The following ASCC3 variants were observed in gnomAD, a reference collection of about 807,000 sequenced individuals.
The protein encoded by ASCC3 is ASC-1 complex subunit P200.
Under a neutral mutation model 256.3 loss-of-function variants are expected in ASCC3, and 158 were observed. That is an observed-to-expected ratio of 0.62 (90% confidence interval 0.54 to 0.70). The LOEUF is 0.70. ASCC3 is among the 30% of genes least tolerant of loss of function. The pLI, the probability that ASCC3 is intolerant of heterozygous loss-of-function variation, is 0.00. For missense variants in ASCC3, 2,259 were observed against 2,626.0 expected (o/e 0.86, Z 3.05); for synonymous variants, 948 against 883.4 (o/e 1.07, Z -1.30).
chr6:100,527,384 C>T (rs1255693687), intron 37 of ASCC3, among the ~76,000 whole-genome samples: 1 of 152,176 alleles, frequency 6.6e-6, no homozygotes, highest in Non-Finnish European at 1.5e-5. Flanking sequence ...ACTTTATCTA[C>T]CATTTGCTAT....
At chr6:100,609,615 T>C (rs1773288945) in intron 30 of ASCC3, among the ~76,000 whole-genome samples, 1 of 152,102 alleles carries the variant, frequency 6.6e-6, no homozygotes, top group African/African-American at 2.4e-5. Context: ...AAGAACTAAA[T>C]AGTTGTGGCT....
At chr6:100,568,838 C>T (rs1054909405) in intron 36 of ASCC3, among the ~76,000 whole-genome samples, 23 of 150,958 alleles carry the variant, frequency 1.5e-4, no homozygotes, top group East Asian at 7.8e-4. Flanking sequence ...ACTGCAGTGG[C>T]GCAATCTCAG....
At chr6:100,874,464 C>CA (rs530326162) in intron 1 of ASCC3, among the ~76,000 whole-genome samples, 1,995 of 77,588 alleles carry the variant, frequency 0.026, 186 homozygotes, top group African/African-American at 0.095. Context: ...GACTCTGTCT[C>CA]AAAAAAAAAA....
chr6:100,533,578 T>C (rs1172848786), intron 37 of ASCC3, among the ~76,000 whole-genome samples: 1 of 152,180 alleles, frequency 6.6e-6, no homozygotes, highest in Admixed American at 6.5e-5. Flanking sequence ...ACTAACTCAG[T>C]CAATTGACAG....
chr6:100,761,340 T>C (rs1781411343), intron 10 of ASCC3, among the ~76,000 whole-genome samples: 1 of 152,000 alleles, frequency 6.6e-6, no homozygotes, highest in African/African-American at 2.4e-5. Context: ...AAATAACGAT[T>C]ACCGGGATGT....
At chr6:100,838,850 A>G (rs1220981077) in intron 4 of ASCC3, among the ~76,000 whole-genome samples, 1 of 152,024 alleles carries the variant, frequency 6.6e-6, no homozygotes, top group African/African-American at 2.4e-5. Context: ...GTATGTATGT[A>G]TGTGCTCATG....
chr6:100,700,403 C>T (rs550796794), intron 13 of ASCC3, among the ~76,000 whole-genome samples: 42 of 152,238 alleles, frequency 2.8e-4, no homozygotes, highest in Non-Finnish European at 5.3e-4. Flanking sequence ...GGGTCCTCAT[C>T]GAGAACCTTT....
rs1348030899 is a variant in ASCC3, at chr6:100,589,959, C to T, written c.5404G>A (p.Glu1802Lys). The T allele has an allele frequency of 1.2e-6, 2 of 1,612,128 alleles. No individual in the cohort carries two copies. Among genetic ancestry groups the T allele is most frequent in the South Asian group, 1.1e-5 (1 of 91,028 alleles). Reference protein sequence around the residue: ...LIELELSYCIEIGEDNRSIEP... With the variant: ...LIELELSYCIKIGEDNRSIEP... ...TGACTAAGTCATACCTCTCCAATTT[C>T]AATACAGTAGGAAAGTTCCAATTCA... Residue 1802 changes from glutamate (E) to lysine (K), a missense_variant, in exon 35 of 42, where the codon GAA (glutamate) becomes AAA (lysine). Glu to Lys is a moderately conservative substitution (Grantham distance 56, BLOSUM62 1). Coordinates refer to ENST00000369162, the MANE Select transcript of ASCC3 (RefSeq NM_006828.4).
In ASCC3 at chr6:100,509,672, G is replaced by A. The variant is rs374512779; in HGVS notation, c.6462-139C>T. The A allele has an allele frequency of 1.2e-3, 1,039 of 899,978 alleles. 24 individuals carry two copies. The South Asian group carries it at 0.012, about 11-fold the overall frequency. 55.7% of individuals were successfully genotyped at this position (899,978 alleles called of 1,614,324 possible). ...TCCCAGCACTTTGGGAGGCCGAGGC[G>A]GGCGGATCACGAGGTCAGGAGATGG... is the stretch of plus-strand genomic sequence containing the variant. On this transcript the variant is annotated intron_variant, in intron 41 of 41. Transcript: ENST00000369162.
chr6:100,641,726 G>A (rs963550160), intron 24 of ASCC3, among the ~76,000 whole-genome samples: 4 of 152,146 alleles, frequency 2.6e-5, no homozygotes, highest in African/African-American at 9.7e-5. Flanking sequence ...TATGTTTACT[G>A]CAGCACTATT....
intron 10 of ASCC3, among the ~76,000 whole-genome samples, chr6:100,736,916 G>A (rs187414673): frequency 2.0e-5 from 3 of 152,242 alleles, no homozygotes; most frequent in East Asian, 3.9e-4. Flanking sequence ...GGGAGGCTGA[G>A]GCAGGCAGAC....
At chr6:100,686,648 CA>C (rs561899893) in intron 13 of ASCC3, among the ~76,000 whole-genome samples, 138 of 152,004 alleles carry the variant, frequency 9.1e-4, no homozygotes, top group Middle Eastern at 3.4e-3. Context: ...ATGTTGTTTC[CA>C]ATCTTTTGTT....
chr6:100,585,982 C>T (rs547480241), intron 36 of ASCC3, among the ~76,000 whole-genome samples: 4 of 152,292 alleles, frequency 2.6e-5, no homozygotes, highest in African/African-American at 9.6e-5. Context: ...AGTTGTCAGT[C>T]TGCTCCTACT....
In ASCC3 at chr6:100,767,851, C is replaced by T. The variant is rs1392041992; in HGVS notation, c.1396-506G>A. ...TAGGATGGTCTCGATCTCCTGACCT[C>T]GTGATCCGCCCACCTAGGCCTCCCA... On this transcript the variant is annotated intron_variant, in intron 8 of 41. Coordinates refer to ENST00000369162, the MANE Select transcript of ASCC3 (RefSeq NM_006828.4). Among the ~76,000 whole-genome samples the T allele has an allele frequency of 5.3e-5, 8 of 151,778 alleles. No homozygotes were observed. In the East Asian group the frequency reaches 7.8e-4, roughly 15 times the overall value.
At chr6:100,827,638 A>C (rs900598970) in intron 4 of ASCC3, among the ~76,000 whole-genome samples, 45 of 152,168 alleles carry the variant, frequency 3.0e-4, no homozygotes, top group African/African-American at 1.1e-3. Flanking sequence ...TATTTCAATA[A>C]ATTTTGCCCT....
chr6:100,516,050 A>T, intron 39 of ASCC3, 130 bp downstream of exon 39: 2 of 1,084,460 alleles, frequency 1.8e-6, no homozygotes, highest in Non-Finnish European at 2.8e-6. Flanking sequence ...TCATAATCAT[A>T]GTAGTAAATG....
intron 10 of ASCC3, among the ~76,000 whole-genome samples, chr6:100,741,332 C>T (rs139031397): frequency 1.0e-3 from 152 of 152,176 alleles, no homozygotes; most frequent in Middle Eastern, 3.4e-3. Context: ...TTCATTTCAG[C>T]CTTGGAGAAT....
chr6:100,683,627 A>G (rs1298250096), intron 13 of ASCC3, among the ~76,000 whole-genome samples: 2 of 152,126 alleles, frequency 1.3e-5, no homozygotes, highest in Non-Finnish European at 2.9e-5. Context: ...TTTGACAGAA[A>G]TAACTCCAAA....
chr6:100,807,838 AATGTT>A (rs1770265708), intron 4 of ASCC3, among the ~76,000 whole-genome samples: 1 of 151,936 alleles, frequency 6.6e-6, no homozygotes, highest in East Asian at 1.9e-4. Context: ...ATATAGAATA[AATGTT>A]ATGTATAAAA....
Sources: allele counts gnomAD v4.1 joint callset (sites outside exome capture counted in the v4.1 genomes callset), GRCh38; gene constraint gnomAD v4.1.1; transcripts MANE v1.5; gene names NCBI Gene and HGNC (gene_info 2026-07-23, HGNC 2026-07-21).